Variants in FAM120B observed in about 807,000 individuals in gnomAD.
The protein encoded by FAM120B is family with sequence similarity 120 member B, also known as constitutive coactivator of peroxisome proliferator-activated receptor gamma.
Under a neutral mutation model 96.3 loss-of-function variants are expected in FAM120B, and 83 were observed. That is an observed-to-expected ratio of 0.86 (90% CI 0.72 to 1.03). The LOEUF is 1.03. FAM120B is among the 50% of genes least tolerant of loss of function. The pLI, the probability that FAM120B is intolerant of heterozygous loss-of-function variation, is 0.00. For missense variants in FAM120B, 1,027 were observed against 1,121.2 expected, an observed-to-expected ratio of 0.92 and a Z score of 1.20; for synonymous variants, 407 against 402.7, an observed-to-expected ratio of 1.01 and a Z score of -0.13.
At chr6:170,353,485 G>A (rs1239806715) in intron 5 of FAM120B, among the ~76,000 whole-genome samples, 1 of 152,074 alleles carries the variant, frequency 6.6e-6, no homozygotes, top group Non-Finnish European at 1.5e-5. Flanking sequence ...GATGAACATT[G>A]ATGCAAAAAT....
At chr6:170,308,132 C>A (rs772224612) in intron 1 of FAM120B, among the ~76,000 whole-genome samples, 1 of 152,192 alleles carries the variant, frequency 6.6e-6, no homozygotes, top group Non-Finnish European at 1.5e-5. Context: ...ACCACTACAG[C>A]CTTCACACTC....
intron 3 of FAM120B, among the ~76,000 whole-genome samples, chr6:170,328,426 G>C (rs1437215552): frequency 2.0e-5 from 3 of 151,822 alleles, no homozygotes; most frequent in Non-Finnish European, 4.4e-5. Context: ...ATCTTTCTTT[G>C]GGGGGGTATA....
intron 5 of FAM120B, among the ~76,000 whole-genome samples, chr6:170,352,065 C>T (rs1787616555): frequency 6.6e-6 from 1 of 152,156 alleles, no homozygotes. Context: ...CAGAGACACA[C>T]ATGGGCTCAA....
At chr6:170,329,888 C>T (rs1785891885) in intron 3 of FAM120B, among the ~76,000 whole-genome samples, 2 of 152,182 alleles carry the variant, frequency 1.3e-5, no homozygotes, top group East Asian at 1.9e-4. Context: ...TGCCCCGCAT[C>T]GAAGCCCTCT....
intron 7 of FAM120B, among the ~76,000 whole-genome samples, chr6:170,390,409 T>A (rs1790420009): frequency 6.6e-6 from 1 of 152,198 alleles, no homozygotes; most frequent in South Asian, 2.1e-4. Context: ...AGTCATTCCA[T>A]CAAGGATCTT....
upstream of FAM120B, chr6:170,291,015 G>T (rs916741086): frequency 1.4e-6 from 1 of 701,940 alleles, no homozygotes; most frequent in South Asian, 1.5e-5. Context: ...CCAATCTGGC[G>T]AGAGCTGTCA....
At chr6:170,397,977 C>G (rs1778275247) in intron 9 of FAM120B, among the ~76,000 whole-genome samples, 1 of 97,334 alleles carries the variant, frequency 1.0e-5, no homozygotes, top group Non-Finnish European at 2.5e-5. Context: ...TGCTTACCCT[C>G]TTTGGCTTGG....
At position 170,376,776 on chromosome 6, in the gene FAM120B, G is replaced by A. The variant is rs191015165; in HGVS notation, c.2284-11511G>A. The stretch of plus-strand genomic sequence containing the variant: ...ATCTGGACTAGCCAGATGGGAACAT[G>A]GAGAGGAAGGAGGAGCGCCTGCTTG... On this transcript the variant is annotated intron_variant, in intron 6 of 10. Coordinates refer to ENST00000476287, the MANE Select transcript of FAM120B (RefSeq NM_032448.3). 3.9e-5 allele frequency among the ~76,000 whole-genome samples: 6 copies of A among 152,374 alleles called. No homozygotes were observed. In the East Asian group the frequency reaches 1.2e-3, roughly 29 times the overall value.
intron 4 of FAM120B, among the ~76,000 whole-genome samples, chr6:170,342,342 A>G (rs1462901718): frequency 1.3e-5 from 2 of 152,264 alleles, no homozygotes; most frequent in African/African-American, 4.8e-5. Flanking sequence ...TCCTGAGAAT[A>G]GACACAAGCC....
In FAM120B at chr6:170,388,461, G is replaced by C. The variant is rs773071927; in HGVS notation, c.2458G>C (p.Gly820Arg). Residue 820 changes from glycine (G) to arginine (R), a missense_variant, in exon 7 of 11, where the codon GGT (glycine) becomes CGT (arginine). Physicochemically the swap from Gly to Arg is moderately radical, Grantham distance 125. This residue lies in a region of FAM120B where 142 missense variants were observed against 122.5 expected (regional missense o/e 1.16). Transcript: ENST00000476287. ...FHQKYLQSEK[G>R]YAVEVLLEQN... ...TCAGAAGTACTTGCAATCTGAAAAG[G>C]GTTATGCTGTGGAGGTTCTTTTAGA... 5.6e-6 allele frequency: 9 copies of C among 1,614,146 alleles called. No individual in the cohort carries two copies. The highest frequency in any genetic ancestry group is 7.6e-6 in the Non-Finnish European group (9 of 1,180,036).
upstream of FAM120B, chr6:170,290,931 C>A (rs1168070744): frequency 4.3e-6 from 3 of 697,820 alleles, no homozygotes; most frequent in East Asian, 5.4e-5. The surrounding 1 kb of genome is among the most constrained non-coding windows in gnomAD (Gnocchi z 4.7). Context: ...GAGGATCTGG[C>A]TCTCGCCGGC....
At chr6:170,319,204 C>A in intron 2 of FAM120B, 80 bp downstream of exon 2, 9 of 1,381,452 alleles carry the variant, frequency 6.5e-6, no homozygotes, top group Non-Finnish European at 8.8e-6. Flanking sequence ...TCCATTACTG[C>A]CTCAGTGTTT....
rs1788578451 is a variant in FAM120B, at chr6:170,363,288, TAAAAG to T, written c.2283+4971_2283+4975del. Reference sequence around the variant, plus strand: ...CTTGGTCATTTTTTGGTTGGAAAATTAAAAGGAAAAGATGTGAGTTGATGAAAGAT... The same window carrying T: ...CTTGGTCATTTTTTGGTTGGAAAATTGAAAAGATGTGAGTTGATGAAAGAT... On this transcript the variant is annotated intron_variant, in intron 6 of 10. Coordinates refer to ENST00000476287, the MANE Select transcript of FAM120B (RefSeq NM_032448.3). The surrounding 1 kb of genome is among the most constrained non-coding windows in gnomAD (Gnocchi z 4.5). Among the ~76,000 whole-genome samples, 3 of 152,192 alleles carry T rather than the reference TAAAAG, an allele frequency of 2.0e-5. No individual in the cohort carries two copies. In the South Asian group the frequency reaches 6.2e-4, roughly 31 times the overall value.
rs1380003688 is a variant in FAM120B, at chr6:170,404,580, G to A, written c.2723G>A (p.Arg908Lys). 2.5e-6 allele frequency: 4 copies of A among 1,613,694 alleles called. No homozygotes were observed. The Admixed American group carries it at 5.0e-5, about 20-fold the overall frequency. The change falls in exon 10 of 11, where the codon AGA (arginine) becomes AAA (lysine). Residue 908 changes from arginine to lysine, a missense_variant. Physicochemically the swap from Arg to Lys is conservative, Grantham distance 26 (BLOSUM62 2). This residue lies in a region of FAM120B where 142 missense variants were observed against 122.5 expected (regional missense o/e 1.16). Transcript: ENST00000476287. ...GSRQYEHDQW[R>K]RY The stretch of plus-strand genomic sequence containing the variant: ...AGACAGTATGAGCATGACCAGTGGA[G>A]AAGGTACTAGTCAACCTCCAGGTAA...
chr6:170,363,666 A>G lies in FAM120B; in HGVS notation c.2283+5348A>G, dbSNP rs1269276574. On this transcript the variant is annotated intron_variant, in intron 6 of 10. Coordinates refer to ENST00000476287, the MANE Select transcript of FAM120B (RefSeq NM_032448.3). The surrounding 1 kb of genome is among the most constrained non-coding windows in gnomAD (Gnocchi z 4.5). ...AACAATAAAGTAATTCTGGATCTCC[A>G]TTTCCTTGGTAATCACTGTGCTGTG... is the stretch of plus-strand genomic sequence containing the variant. Among the ~76,000 whole-genome samples, 1 of 152,210 alleles carries G rather than the reference A, an allele frequency of 6.6e-6. No individual in the cohort carries two copies. Among genetic ancestry groups the G allele is most frequent in the African/African-American group, 2.4e-5 (1 of 41,454 alleles).
At chr6:170,361,255 CGT>C (rs1491224794) in intron 6 of FAM120B, among the ~76,000 whole-genome samples, 3 of 50,544 alleles carry the variant, frequency 5.9e-5, no homozygotes, top group African/African-American at 7.7e-5. Flanking sequence ...TATATATATA[CGT>C]GTATATATAT....
intron 3 of FAM120B, among the ~76,000 whole-genome samples, chr6:170,324,513 CTAA>C (rs1258474664): frequency 6.6e-6 from 1 of 152,130 alleles, no homozygotes; most frequent in African/African-American, 2.4e-5. Context: ...CACATTGACT[CTAA>C]TGATGGAAAA....
chr6:170,322,752 G>C (rs1785375805), intron 2 of FAM120B, among the ~76,000 whole-genome samples: 1 of 152,048 alleles, frequency 6.6e-6, no homozygotes, highest in African/African-American at 2.4e-5. Flanking sequence ...CTGGTCTAGG[G>C]GATTAAGACC....
chr6:170,314,886 A>G (rs1784801627), intron 1 of FAM120B, among the ~76,000 whole-genome samples: 1 of 152,236 alleles, frequency 6.6e-6, no homozygotes, highest in Non-Finnish European at 1.5e-5. Context: ...ATAGAAGAGC[A>G]CATTGTAATG....
Sources: gnomAD v4.1 joint callset for allele counts (sites outside exome capture counted in the v4.1 genomes callset) on GRCh38, gnomAD v4.1.1 for gene constraint, gnomAD v4.1.1 regional missense constraint, Gnocchi (gnomAD v3.1) non-coding constraint, MANE v1.5 for transcripts, NCBI Gene and HGNC (gene_info 2026-07-23, HGNC 2026-07-21) for gene names.